The following NAA38 variants were observed in gnomAD, a reference collection of about 807,000 sequenced individuals.
The protein encoded by NAA38 is LSM domain containing 1.
A neutral mutation model predicts 12.6 loss-of-function variants in NAA38; 15 were observed. The ratio of observed to expected loss-of-function variants is 1.19; its 90% confidence interval spans 0.79 to 1.83. NAA38 has a LOEUF of 1.83. Among genes scored for constraint, NAA38 ranks in the 40% most tolerant of loss-of-function variants. The pLI is 0.00. For synonymous variants in NAA38, 88 were observed against 69.9 expected, an observed-to-expected ratio of 1.26 and a Z score of -1.29; for missense variants, 183 against 171.7, an observed-to-expected ratio of 1.07 and a Z score of -0.37.
chr17:7,875,342 GT>G lies in NAA38; in HGVS notation c.-66+7892del, dbSNP rs376293055. ...TACAATACTTTTCTTGGTTTGTACTGTTTTTTTTTTAGAGACAGAGTCTCAC... is the reference window on the plus strand; with the variant it reads ...TACAATACTTTTCTTGGTTTGTACTGTTTTTTTTTAGAGACAGAGTCTCAC... On this transcript the variant is annotated intron_variant, in intron 2 of 4. Coordinates refer to the NAA38 transcript ENST00000576861. Among the ~76,000 whole-genome samples the G allele has an allele frequency of 2.5e-3, 371 of 147,750 alleles. 3 individuals are homozygous for G. Among genetic ancestry groups the G allele is most frequent in the African/African-American group, 8.7e-3 (353 of 40,492 alleles).
chr17:7,857,722 A>C (rs1163900032), upstream of NAA38: 9 of 1,290,428 alleles, frequency 7.0e-6, no homozygotes, highest in East Asian at 1.5e-4. Flanking sequence ...TCCTTTAGAA[A>C]CTGGAATTTA....
chr17:7,884,844 AGG>A, intron 1 of NAA38: 11 of 1,050,378 alleles, frequency 1.0e-5, no homozygotes, highest in South Asian at 6.6e-5. Context: ...GAGGAGGAGG[AGG>A]AGATGGTGGT....
At chr17:7,881,176 G>A (rs1394075755) in intron 2 of NAA38, among the ~76,000 whole-genome samples, 1 of 152,156 alleles carries the variant, frequency 6.6e-6, no homozygotes, top group Non-Finnish European at 1.5e-5. Flanking sequence ...CGGGACTAGG[G>A]GAGAAGGATG....
upstream of NAA38, chr17:7,860,245 C>T (rs947381654): frequency 6.6e-6 from 1 of 152,528 alleles, no homozygotes; most frequent in African/African-American, 2.4e-5. Context: ...CCTGGAGCTC[C>T]TGGGCACAAG....
chr17:7,885,265 C>T (rs1967627425), upstream of NAA38: 1 of 351,192 alleles, frequency 2.8e-6, no homozygotes, highest in East Asian at 1.8e-4. Context: ...GCGGCTGCGA[C>T]CGCGGGGCCA....
chr17:7,862,776 G>T (rs1347909191), upstream of NAA38: 2 of 151,350 alleles, frequency 1.3e-5, no homozygotes, highest in African/African-American at 4.9e-5. Context: ...AAAAAAGAGG[G>T]TCTCACCAGA....
intron 1 of NAA38, among the ~76,000 whole-genome samples, chr17:7,883,734 G>GA (rs1317868576): frequency 6.6e-6 from 1 of 151,020 alleles, no homozygotes; most frequent in Non-Finnish European, 1.5e-5. Flanking sequence ...GAGGTATGTA[G>GA]AAACAGAGTT....
intron 2 of NAA38, among the ~76,000 whole-genome samples, chr17:7,867,740 CAG>C (rs1250782912): frequency 2.2e-4 from 33 of 152,190 alleles, no homozygotes; most frequent in African/African-American, 7.7e-4. Context: ...AAAGTGGAGA[CAG>C]AGAGACCTGC....
intron 2 of NAA38, among the ~76,000 whole-genome samples, chr17:7,882,647 G>C (rs941079183): frequency 4.6e-5 from 7 of 151,976 alleles, no homozygotes; most frequent in African/African-American, 1.7e-4. Context: ...GTACAGAAAT[G>C]ATGTGGGAAC....
intron 3 of NAA38, chr17:7,863,842 T>C (rs1597876888): frequency 6.6e-6 from 1 of 152,302 alleles, no homozygotes; most frequent in African/African-American, 2.4e-5. Flanking sequence ...GTGGTCCCAA[T>C]ATTCTGGCAT....
At chr17:7,856,890 C>A in intron 2 of NAA38, 47 bp from the exon 3 acceptor site, 2 of 1,603,462 alleles carry the variant, frequency 1.2e-6, no homozygotes, top group South Asian at 2.2e-5. Context: ...AGAATCAGTC[C>A]CGCCCCTCTG....
chr17:7,879,846 A>G (rs1967239964), intron 2 of NAA38, among the ~76,000 whole-genome samples: 1 of 152,136 alleles, frequency 6.6e-6, no homozygotes, highest in Admixed American at 6.6e-5. Flanking sequence ...TACACAGGCA[A>G]AAGAAATATA....
intron 2 of NAA38, among the ~76,000 whole-genome samples, chr17:7,867,864 G>T (rs936645956): frequency 2.6e-5 from 4 of 152,144 alleles, no homozygotes; most frequent in Admixed American, 1.3e-4. Flanking sequence ...TTTGGGTAGG[G>T]GTCTAAGGCA....
At chr17:7,880,943 G>C (rs1967260968) in intron 2 of NAA38, among the ~76,000 whole-genome samples, 1 of 152,162 alleles carries the variant, frequency 6.6e-6, no homozygotes, top group Non-Finnish European at 1.5e-5. Flanking sequence ...ACACTTGGTA[G>C]AATCAAAAAG....
At chr17:7,877,784 T>G (rs567759155) in intron 2 of NAA38, among the ~76,000 whole-genome samples, 1 of 152,340 alleles carries the variant, frequency 6.6e-6, no homozygotes, top group African/African-American at 2.4e-5. Context: ...TTATAGTTAA[T>G]AACAGTAATA....
rs759738955 is a variant in NAA38, at chr17:7,885,025, C to CCCG, written c.-167+137_-167+139dup. On this transcript the variant is annotated intron_variant, in intron 1 of 4. Coordinates refer to the NAA38 transcript ENST00000576861. ...ACAGCCCCCCCGGCTGCCACCTCTT[C>CCCG]CCGCCGCCGCCGCCGCCGCCGCCAC... is the stretch of plus-strand genomic sequence containing the variant. The CCCG allele has an allele frequency of 8.7e-3, 10,143 of 1,161,150 alleles. 49 individuals are homozygous for CCCG. Among genetic ancestry groups the CCCG allele is most frequent in the Middle Eastern group, 0.016 (45 of 2,872 alleles). The allele number at this position is 1,161,150 out of a possible 1,614,324, so 71.9% of individuals were successfully genotyped here. A position where few individuals can be genotyped will look rare whatever the true frequency, so the allele number is the denominator to read the frequency against.
upstream of NAA38, chr17:7,859,234 C>T: frequency 3.1e-6 from 2 of 645,086 alleles, no homozygotes; most frequent in Admixed American, 2.7e-5. Context: ...AGGGTCTGCT[C>T]ATTGCATGCT....
At chr17:7,858,665 C>T (rs766176286), upstream of NAA38, 1 of 1,610,710 alleles carries the variant, frequency 6.2e-7, no homozygotes, top group East Asian at 2.2e-5. Context: ...CGCGGGGCCG[C>T]TTTGTGCACG....
At chr17:7,866,586 G>C in intron 2 of NAA38, 1 of 1,094,594 alleles carries the variant, frequency 9.1e-7, no homozygotes, top group African/African-American at 1.6e-5. Context: ...CTTTGCATCA[G>C]AGCCTTCCTA....
Sources: gnomAD v4.1 joint callset for allele counts (sites outside exome capture counted in the v4.1 genomes callset) on GRCh38, gnomAD v4.1.1 for gene constraint, MANE v1.5 for transcripts, NCBI Gene and HGNC (gene_info 2026-07-23, HGNC 2026-07-21) for gene names.